The following FCHO2 variants were observed in gnomAD, a reference collection of about 807,000 sequenced individuals.
The protein encoded by FCHO2 is FCH and mu domain containing endocytic adaptor 2, also known as F-BAR domain only protein 2.
Under a neutral mutation model 114.1 loss-of-function variants are expected in FCHO2, and 43 were observed. The ratio of observed to expected loss-of-function variants is 0.38; its 90% confidence interval spans 0.30 to 0.49. The LOEUF (loss-of-function observed/expected upper bound fraction) is 0.49. Ranked by LOEUF, FCHO2 falls within the 20% of genes least tolerant of loss-of-function variation. The pLI is 0.97. For missense variants in FCHO2, 807 were observed against 950.4 expected, an observed-to-expected ratio of 0.85 and a Z score of 1.98; for synonymous variants, 293 against 315.2, an observed-to-expected ratio of 0.93 and a Z score of 0.75.
At chr5:73,048,432 G>GAGT (rs1242659020) in intron 11 of FCHO2, among the ~76,000 whole-genome samples, 1 of 152,050 alleles carries the variant, frequency 6.6e-6, no homozygotes, top group Admixed American at 6.6e-5. Flanking sequence ...GTGACAGAGT[G>GAGT]AGTCTCCATC....
In FCHO2 at chr5:72,968,669, T is replaced by A. The variant is rs1047783975; in HGVS notation, c.125+80T>A. ...TTAGAATATAAATAATGGAGAAAAC[T>A]TTATTTGGATTTGGAATAAAGTAAT... On this transcript the variant is annotated intron_variant, in intron 2 of 25. Coordinates refer to ENST00000430046, the MANE Select transcript of FCHO2 (RefSeq NM_138782.3). 1.0e-5 allele frequency: 10 copies of A among 975,582 alleles called. No individual in the cohort carries two copies. The Admixed American group carries it at 2.8e-4, about 27-fold the overall frequency. 60.4% of individuals were successfully genotyped at this position (975,582 alleles called of 1,614,324 possible).
chr5:73,087,475 A>T, intron 24 of FCHO2, 114 bp from the exon 25 acceptor site: 1 of 1,144,132 alleles, frequency 8.7e-7, no homozygotes. Context: ...TTTACTGTGC[A>T]CATCTAATGA....
chr5:73,053,076 T>TA (rs997799331), intron 13 of FCHO2, among the ~76,000 whole-genome samples: 1 of 152,130 alleles, frequency 6.6e-6, no homozygotes, highest in African/African-American at 2.4e-5. Flanking sequence ...ATTTTAAACT[T>TA]AAAAATGTTA....
chr5:72,960,866 G>A (rs1292889013), intron 1 of FCHO2, among the ~76,000 whole-genome samples: 1 of 152,120 alleles, frequency 6.6e-6, no homozygotes, highest in East Asian at 1.9e-4. Flanking sequence ...TTCACCCAAA[G>A]ACACTAAGTA....
intron 6 of FCHO2, among the ~76,000 whole-genome samples, chr5:73,010,875 C>CAAAAAAAAAAAAAAA (rs57820498): frequency 3.9e-5 from 1 of 25,736 alleles, no homozygotes; most frequent in African/African-American, 1.2e-4. Flanking sequence ...GACTCTGTCT[C>CAAAAAAAAAAAAAAA]AAAAAAAAAA....
At position 73,067,978 on chromosome 5, in the gene FCHO2, G is replaced by A. The variant is rs190600335; in HGVS notation, c.1450-672G>A. ...ATTGGGAAGACAACAGAATTGAGTC[G>A]CTCAAACCTTTGTATGGAGTGAGTT... On this transcript the variant is annotated intron_variant, in intron 18 of 25. Transcript: ENST00000430046. Among the ~76,000 whole-genome samples the A allele has an allele frequency of 5.3e-4, 80 of 151,950 alleles. No homozygotes were observed. The East Asian group carries it at 6.8e-3, about 13-fold the overall frequency.
Position 73,052,325 on chromosome 5 carries a change from A to C in FCHO2, c.998-7A>C. The C allele has an allele frequency of 6.3e-7, 1 of 1,596,022 alleles. No homozygotes were observed. The highest frequency in any genetic ancestry group is 1.1e-5 in the South Asian group (1 of 88,098). ...AATTTAAAAACAATTCTTTAACTGAAACTCACATACCAAAGAGAACCATTT... is the reference window on the plus strand; with the variant it reads ...AATTTAAAAACAATTCTTTAACTGACACTCACATACCAAAGAGAACCATTT... On this transcript the variant is annotated splice_region_variant and splice_polypyrimidine_tract_variant and intron_variant, in intron 12 of 25. Transcript: ENST00000430046.
In FCHO2 at chr5:72,990,579, T is replaced by C; in HGVS notation, c.302T>C (p.Val101Ala). Residue 101 changes from valine to alanine, a missense_variant, in exon 4 of 26, where the codon GTT (valine) becomes GCT (alanine). Transcript: ENST00000430046. ...VRKLQELIKE[V>A]QKYGEEQVKS... ...AAATTACAAGAATTAATAAAGGAAG[T>C]TCAGAAGTATGGAGAAGAACAAGTA... 6.5e-7 allele frequency: 1 copy of C among 1,536,256 alleles called. No homozygotes were observed. The highest frequency in any genetic ancestry group is 8.7e-7 in the Non-Finnish European group (1 of 1,145,178).
intron 6 of FCHO2, among the ~76,000 whole-genome samples, chr5:73,007,399 C>G (rs1754775352): frequency 6.6e-6 from 1 of 152,122 alleles, no homozygotes; most frequent in African/African-American, 2.4e-5. Context: ...TATTTTTTGT[C>G]TGTTTTTCTC....
chr5:73,041,096 G>A (rs1339053723), intron 10 of FCHO2, among the ~76,000 whole-genome samples, 195 bp from the exon 11 acceptor site: 5 of 152,050 alleles, frequency 3.3e-5, no homozygotes, highest in South Asian at 2.1e-4. Context: ...TTGTCAGGTG[G>A]TATGGGTATA....
chr5:73,002,784 G>A (rs1754514846), intron 5 of FCHO2, among the ~76,000 whole-genome samples: 1 of 152,076 alleles, frequency 6.6e-6, no homozygotes, highest in South Asian at 2.1e-4. Context: ...CTGTCTTCAA[G>A]AAGCTTTCTT....
intron 17 of FCHO2, among the ~76,000 whole-genome samples, chr5:73,062,566 A>G (rs574774621): frequency 1.3e-5 from 2 of 152,086 alleles, no homozygotes; most frequent in Non-Finnish European, 2.9e-5. Context: ...TGAGTGCAGC[A>G]TGAAAGAACT....
chr5:72,997,706 A>G, intron 5 of FCHO2: 1 of 1,525,282 alleles, frequency 6.6e-7, no homozygotes, highest in Non-Finnish European at 8.9e-7. Context: ...CCCTTGGGAT[A>G]CCGTTTGATG....
chr5:73,065,865 G>A (rs1324600551), intron 18 of FCHO2, among the ~76,000 whole-genome samples: 1 of 151,860 alleles, frequency 6.6e-6, no homozygotes, highest in Non-Finnish European at 1.5e-5. Context: ...TACCCAACAG[G>A]TAATTTTTCT....
rs1385010229 is a variant in FCHO2 at position 73,090,161 on chromosome 5, CA to C, written c.*2073del. On this transcript the variant is annotated 3_prime_UTR_variant, in exon 26 of 26. Transcript: ENST00000430046. Reference sequence around the variant, plus strand: ...TTCTTAGTTACCACAGTCTTCATACCAAGTATTGGGTACAGGTTACAATTTT... The same window carrying C: ...TTCTTAGTTACCACAGTCTTCATACCAGTATTGGGTACAGGTTACAATTTT... The C allele has an allele frequency of 6.6e-6, 1 of 152,366 alleles. No individual in the cohort carries two copies. The highest frequency in any genetic ancestry group is 1.5e-5 in the Non-Finnish European group (1 of 67,960). The allele number at this position is 152,366 out of a possible 1,614,324, so 9.4% of individuals were successfully genotyped here.
chr5:72,978,135 ATTCT>A (rs1187151352), intron 2 of FCHO2, among the ~76,000 whole-genome samples: 4 of 152,196 alleles, frequency 2.6e-5, no homozygotes, highest in African/African-American at 7.2e-5. Context: ...GTTTTTTCTA[ATTCT>A]GTGAAGAAAG....
intron 16 of FCHO2, among the ~76,000 whole-genome samples, chr5:73,057,102 AT>A (rs5868655): frequency 1.8e-4 from 27 of 147,902 alleles, no homozygotes; most frequent in South Asian, 2.1e-4. Flanking sequence ...TTTTTTCAAA[AT>A]TTTTTTTTTT....
At chr5:73,024,944 G>A (rs1443656207) in intron 8 of FCHO2, among the ~76,000 whole-genome samples, 1 of 152,046 alleles carries the variant, frequency 6.6e-6, no homozygotes, top group African/African-American at 2.4e-5. Context: ...TAAGATATAC[G>A]AAGTCATGTA....
chr5:72,995,348 C>T (rs979013631), intron 5 of FCHO2, among the ~76,000 whole-genome samples: 19 of 151,802 alleles, frequency 1.3e-4, no homozygotes, highest in African/African-American at 4.1e-4. Flanking sequence ...CTCCGCCTCC[C>T]GAGTTCAAGC....
Sources: allele counts gnomAD v4.1 joint callset (sites outside exome capture counted in the v4.1 genomes callset), GRCh38; gene constraint gnomAD v4.1.1; transcripts MANE v1.5; gene names NCBI Gene and HGNC (gene_info 2026-07-23, HGNC 2026-07-21).